CRCP: variants seen among roughly 807,000 people sequenced by gnomAD.
CRCP encodes the protein CGRP receptor component.
In CRCP, 18 loss-of-function variants were observed where a neutral mutation model predicts 18.5. The ratio of observed to expected loss-of-function variants is 0.97; its 90% CI spans 0.67 to 1.44. The LOEUF (loss-of-function observed/expected upper bound fraction) is 1.44, where lower values mean the gene tolerates loss of function less well. CRCP is among the 40% of genes most tolerant of loss of function. The probability of loss-of-function intolerance (pLI) is 0.00; values close to 1 mark genes in which losing one functional copy is unlikely to be tolerated. For missense variants in CRCP, 130 were observed against 176.4 expected, an observed-to-expected ratio of 0.74 and a Z score of 1.49; for synonymous variants, 53 against 62.9, an observed-to-expected ratio of 0.84 and a Z score of 0.75.
chr7:66,115,226 T>G (rs1156705510), intron 1 of CRCP, among the ~76,000 whole-genome samples: 1 of 152,186 alleles, frequency 6.6e-6, no homozygotes. Flanking sequence ...TGCCTTTCAA[T>G]GTGCCCCCTC....
rs753554431 is a variant in CRCP, at chr7:66,114,882, C to A, written c.-81C>A. The A allele has an allele frequency of 3.1e-6, 5 of 1,608,440 alleles. No homozygotes were observed. The highest frequency in any genetic ancestry group is 1.7e-4 in the Middle Eastern group (1 of 6,022). On this transcript the variant is annotated 5_prime_UTR_variant, in exon 1 of 6. Transcript: ENST00000395326. ...TTGGCGCGCGGAGCTGGCACCTTGG[C>A]GCTGTTGGTGGCGGCGGAGACAGCT... is the stretch of plus-strand genomic sequence containing the variant.
At chr7:66,118,416 G>A (rs2115848403) in intron 1 of CRCP, among the ~76,000 whole-genome samples, 1 of 152,308 alleles carries the variant, frequency 6.6e-6, no homozygotes, top group Non-Finnish European at 1.5e-5. Flanking sequence ...ATAAATGTAT[G>A]TTTACTTGTT....
At chr7:66,123,048 G>C (rs1262174830) in intron 1 of CRCP, among the ~76,000 whole-genome samples, 1 of 151,054 alleles carries the variant, frequency 6.6e-6, no homozygotes. Flanking sequence ...TCCGCCTCCC[G>C]GGTTCACGCC....
intron 1 of CRCP, chr7:66,120,614 T>C (rs1787408199): frequency 6.6e-6 from 1 of 151,976 alleles, no homozygotes; most frequent in Non-Finnish European, 1.5e-5. Context: ...TAGCAGAACC[T>C]TGAGTTGCAG....
intron 1 of CRCP, chr7:66,126,530 T>G: frequency 1.3e-5 from 4 of 306,282 alleles, no homozygotes; most frequent in South Asian, 1.0e-4. Flanking sequence ...CTGAGTCTTG[T>G]GCTTTATCTC....
chr7:66,127,877 G>T (rs1452476713), intron 2 of CRCP, 137 bp downstream of exon 2: 13 of 916,276 alleles, frequency 1.4e-5, no homozygotes, highest in Admixed American at 4.2e-5. Context: ...ACTTTGGGAG[G>T]CTGAGGCTGG....
chr7:66,145,703 C>G (rs1380437377), intron 5 of CRCP, among the ~76,000 whole-genome samples: 1 of 152,196 alleles, frequency 6.6e-6, no homozygotes, highest in Non-Finnish European at 1.5e-5. Context: ...CATTCCTCCT[C>G]TAGGGTTTTG....
intron 1 of CRCP, chr7:66,126,672 A>G: frequency 2.4e-6 from 1 of 423,300 alleles, no homozygotes; most frequent in Non-Finnish European, 4.7e-6. Flanking sequence ...AACTATTCTA[A>G]ACTTTTAAAA....
intron 1 of CRCP, among the ~76,000 whole-genome samples, chr7:66,122,910 C>T (rs533877501): frequency 6.6e-6 from 1 of 151,016 alleles, no homozygotes; most frequent in Non-Finnish European, 1.5e-5. Context: ...AGAGTATTTG[C>T]TTTAAACACA....
rs770799244 is a variant in CRCP, at chr7:66,145,422, C to T, written c.240-21C>T. 1.7e-5 allele frequency: 28 copies of T among 1,613,108 alleles called. 1 individual carries two copies. Among genetic ancestry groups the T allele is most frequent in the South Asian group, 1.3e-4 (12 of 91,042 alleles). On this transcript the variant is annotated intron_variant, in intron 4 of 5. Coordinates refer to ENST00000395326, the MANE Select transcript of CRCP (RefSeq NM_014478.5). Reference sequence around the variant, plus strand: ...GACTTAGGGCTATGCGAGTTGTCAACGCTGTACTTTCCCTCCACAGAGCTG... The same window carrying T: ...GACTTAGGGCTATGCGAGTTGTCAATGCTGTACTTTCCCTCCACAGAGCTG...
chr7:66,135,438 AATATT>A (rs1377242658), intron 4 of CRCP, among the ~76,000 whole-genome samples: 4 of 152,250 alleles, frequency 2.6e-5, no homozygotes, highest in African/African-American at 9.6e-5. Context: ...ACAGAATTGA[AATATT>A]ATATTAATCA....
At chr7:66,140,251 A>G (rs1283181879) in intron 4 of CRCP, among the ~76,000 whole-genome samples, 1 of 152,156 alleles carries the variant, frequency 6.6e-6, no homozygotes, top group Non-Finnish European at 1.5e-5. Flanking sequence ...AGAAAAGGGG[A>G]AAAAGCCCCA....
intron 1 of CRCP, among the ~76,000 whole-genome samples, chr7:66,119,211 ATC>A (rs1423783227): frequency 5.9e-5 from 9 of 152,282 alleles, no homozygotes; most frequent in Admixed American, 6.5e-5. Context: ...CTCTAATGAA[ATC>A]TCTACAAAAC....
In CRCP at chr7:66,154,076, A is replaced by C. The variant is rs1257724312; in HGVS notation, c.*1719A>C. 6.6e-6 allele frequency: 1 copy of C among 152,080 alleles called. No individual in the cohort carries two copies. Among genetic ancestry groups the C allele is most frequent in the Admixed American group, 6.6e-5 (1 of 15,246 alleles). The allele number at this position is 152,080 out of a possible 1,614,324, so 9.4% of individuals were successfully genotyped here. Reference sequence around the variant, plus strand: ...TCCATCTCAAAAAAGAGAAAGTACCAGATTGTACTTTTAAATCTGTCTAGC... The same window carrying C: ...TCCATCTCAAAAAAGAGAAAGTACCCGATTGTACTTTTAAATCTGTCTAGC... On this transcript the variant is annotated 3_prime_UTR_variant, in exon 6 of 6. Coordinates refer to ENST00000395326, the MANE Select transcript of CRCP (RefSeq NM_014478.5).
chr7:66,151,412 A>G (rs1366845209), intron 5 of CRCP, among the ~76,000 whole-genome samples: 1 of 152,108 alleles, frequency 6.6e-6, no homozygotes, highest in Non-Finnish European at 1.5e-5. Context: ...TACGAAAAAT[A>G]CGAACAGTTA....
chr7:66,129,189 C>T (rs868095589), intron 2 of CRCP, among the ~76,000 whole-genome samples: 3 of 152,106 alleles, frequency 2.0e-5, no homozygotes, highest in South Asian at 2.1e-4. Flanking sequence ...AAAAATTAGC[C>T]GGGCAAGGTG....
Position 66,127,707 on chromosome 7 carries a change from G to A in CRCP, c.12G>A (p.Lys4=), listed in dbSNP as rs1368915747. The A allele has an allele frequency of 1.2e-6, 2 of 1,613,984 alleles. No homozygotes were observed. The highest frequency in any genetic ancestry group is 1.7e-6 in the Non-Finnish European group (2 of 1,180,004). Residue 4 remains lysine, a synonymous_variant, in exon 2 of 6, where the codon AAG becomes AAA. Coordinates refer to ENST00000395326, the MANE Select transcript of CRCP (RefSeq NM_014478.5). MEV[K]DANSALLSNY... ...ATAGCTTACTTTTCTTTTTCAGGAA[G>A]GATGCCAATTCTGCGCTTCTCAGTA...
chr7:66,138,574 A>C (rs1788038162), intron 4 of CRCP, among the ~76,000 whole-genome samples: 2 of 147,260 alleles, frequency 1.4e-5, no homozygotes, highest in Admixed American at 1.4e-4. Context: ...TCACGAGGTC[A>C]GGAGATCGAG....
At chr7:66,135,105 A>G (rs1399161326) in intron 4 of CRCP, among the ~76,000 whole-genome samples, 3 of 152,228 alleles carry the variant, frequency 2.0e-5, no homozygotes, top group African/African-American at 7.2e-5. Context: ...TTCAATTCAG[A>G]TAAACCTTAC....
Sources: gnomAD v4.1 joint callset for allele counts (sites outside exome capture counted in the v4.1 genomes callset) on GRCh38, gnomAD v4.1.1 for gene constraint, MANE v1.5 for transcripts, NCBI Gene and HGNC (gene_info 2026-07-23, HGNC 2026-07-21) for gene names.